Variants in STRN3 observed in about 807,000 individuals in gnomAD.
STRN3 encodes the protein striatin 3.
In STRN3, 29 loss-of-function variants were observed where a neutral mutation model predicts 95.6. That is an observed-to-expected ratio of 0.30 (90% CI 0.23 to 0.41). The LOEUF is 0.41. Among genes scored for constraint, STRN3 ranks in the 10% least tolerant of loss-of-function variants. STRN3 has a pLI of 1.00. For synonymous variants in STRN3, 331 were observed against 357.6 expected (o/e 0.93, Z 0.84); for missense variants, 890 against 972.1 (o/e 0.92, Z 1.12).
chr14:31,004,177 C>T (rs1288372461), intron 1 of STRN3, among the ~76,000 whole-genome samples: 3 of 151,642 alleles, frequency 2.0e-5, no homozygotes, highest in East Asian at 2.0e-4. Flanking sequence ...CCCAGCTACT[C>T]GGGAGGCTGA....
chr14:30,937,585 T>C (rs1351372500), intron 5 of STRN3, among the ~76,000 whole-genome samples: 1 of 152,148 alleles, frequency 6.6e-6, no homozygotes, highest in Non-Finnish European at 1.5e-5. Flanking sequence ...GTTGTTTAAG[T>C]GTCTAACAAT....
rs576460427 is a variant in STRN3 at position 30,900,680 on chromosome 14, C to T, written c.2137+1856G>A. ...ACCAGAATCAATTGAACCCAAGAGG[C>T]GGAGGTTACAGTGAGCTGAGATGGT... On this transcript the variant is annotated intron_variant, in intron 16 of 17. Transcript: ENST00000357479. Among the ~76,000 whole-genome samples, 5 of 149,394 alleles carry T rather than the reference C, an allele frequency of 3.3e-5. No individual in the cohort carries two copies. The South Asian group carries it at 1.1e-3, about 31-fold the overall frequency.
In STRN3 at chr14:30,918,362, G is replaced by T. The variant is rs189867335; in HGVS notation, c.1240+604C>A. 9.9e-5 allele frequency among the ~76,000 whole-genome samples: 15 copies of T among 152,008 alleles called. No homozygotes were observed. The East Asian group carries it at 2.5e-3, about 26-fold the overall frequency. ...TCTCTACTAAAAATACAAAAAATTG[G>T]CCGGGGAATGGTGGTGTGCGCCTAT... On this transcript the variant is annotated intron_variant, in intron 9 of 17. Transcript: ENST00000357479.
At chr14:31,002,394 C>G (rs990293264) in intron 1 of STRN3, among the ~76,000 whole-genome samples, 20 of 150,236 alleles carry the variant, frequency 1.3e-4, no homozygotes, top group African/African-American at 4.7e-4. Flanking sequence ...ATTGCTTGAG[C>G]CGGGAGGTGG....
intron 1 of STRN3, among the ~76,000 whole-genome samples, chr14:31,010,179 T>C (rs988381836): frequency 9.9e-5 from 15 of 152,070 alleles, no homozygotes; most frequent in African/African-American, 3.4e-4. Context: ...GACAAACTAG[T>C]CTATAAATTC....
At chr14:31,000,681 C>G (rs117647573) in intron 1 of STRN3, among the ~76,000 whole-genome samples, 3,203 of 152,228 alleles carry the variant, frequency 0.021, 55 homozygotes, top group Non-Finnish European at 0.03. Context: ...TCAACCCATT[C>G]CTTATCAATC....
At chr14:30,964,974 T>C (rs892372578) in intron 1 of STRN3, among the ~76,000 whole-genome samples, 2 of 152,258 alleles carry the variant, frequency 1.3e-5, no homozygotes, top group African/African-American at 2.4e-5. Flanking sequence ...TCTTGGTCTT[T>C]GTCTTGTTGC....
At chr14:30,918,304 C>T (rs905955989) in intron 9 of STRN3, among the ~76,000 whole-genome samples, 10 of 151,990 alleles carry the variant, frequency 6.6e-5, no homozygotes, top group Non-Finnish European at 1.0e-4. Flanking sequence ...GTCAGGAGTT[C>T]GAGACCAGCC....
At chr14:30,982,719 C>T (rs76576686) in intron 1 of STRN3, among the ~76,000 whole-genome samples, 8,586 of 152,232 alleles carry the variant, frequency 0.056, 443 homozygotes, top group East Asian at 0.21. Flanking sequence ...AGGAAGTTTA[C>T]CCCCTTGAGG....
At chr14:30,903,071 G>A (rs1896368086) in intron 15 of STRN3, among the ~76,000 whole-genome samples, 1 of 151,902 alleles carries the variant, frequency 6.6e-6, no homozygotes, top group African/African-American at 2.4e-5. Flanking sequence ...CAAAGAACTG[G>A]AATTAATGAT....
intron 1 of STRN3, among the ~76,000 whole-genome samples, chr14:30,998,335 A>G (rs1404356884): frequency 6.6e-6 from 1 of 152,246 alleles, no homozygotes; most frequent in Non-Finnish European, 1.5e-5. Flanking sequence ...TGAGGCAAAC[A>G]AGAAGCTAAC....
At position 31,006,875 on chromosome 14, in the gene STRN3, T is replaced by C. The variant is rs58903855; in HGVS notation, c.282+19029A>G. On this transcript the variant is annotated intron_variant, in intron 1 of 17. Coordinates refer to ENST00000357479, the MANE Select transcript of STRN3 (RefSeq NM_001083893.2). ...CCTGCAATCCCAGCCACTCTGGAGGTAGAAGTGGAAAGACATGCTTGAACC... is the reference window on the plus strand; with the variant it reads ...CCTGCAATCCCAGCCACTCTGGAGGCAGAAGTGGAAAGACATGCTTGAACC... 5.2e-3 allele frequency among the ~76,000 whole-genome samples: 784 copies of C among 151,578 alleles called. 3 individuals carry two copies. Among genetic ancestry groups the C allele is most frequent in the African/African-American group, 0.018 (725 of 41,288 alleles).
intron 1 of STRN3, among the ~76,000 whole-genome samples, chr14:30,973,757 A>T (rs1016552706): frequency 1.3e-5 from 2 of 152,228 alleles, no homozygotes; most frequent in African/African-American, 4.8e-5. Flanking sequence ...GCAGCATATT[A>T]AAAGAATTAC....
At chr14:30,994,761 G>A (rs759047807) in intron 1 of STRN3, among the ~76,000 whole-genome samples, 1 of 152,168 alleles carries the variant, frequency 6.6e-6, no homozygotes, top group Non-Finnish European at 1.5e-5. Context: ...TGGAATGACT[G>A]GACTACTGAG....
intron 1 of STRN3, among the ~76,000 whole-genome samples, chr14:30,980,980 T>C (rs923182465): frequency 6.6e-6 from 1 of 151,994 alleles, no homozygotes; most frequent in Admixed American, 6.6e-5. Flanking sequence ...TTAGAGCAAC[T>C]AATAATAAAT....
At chr14:30,966,555 G>C (rs1342495892) in intron 1 of STRN3, among the ~76,000 whole-genome samples, 1 of 152,132 alleles carries the variant, frequency 6.6e-6, no homozygotes, top group African/African-American at 2.4e-5. Context: ...GCAGAGTGGG[G>C]GACTGGCCAG....
chr14:30,974,266 C>G (rs1880976678), intron 1 of STRN3, among the ~76,000 whole-genome samples: 1 of 152,096 alleles, frequency 6.6e-6, no homozygotes, highest in Non-Finnish European at 1.5e-5. Context: ...AAATCAGTTT[C>G]ATTTTTATAC....
chr14:31,011,408 G>A (rs116955701), intron 1 of STRN3, among the ~76,000 whole-genome samples: 4,440 of 152,060 alleles, frequency 0.029, 74 homozygotes, highest in Non-Finnish European at 0.044. Context: ...TTGGGAGGCC[G>A]AGGCGGGTGG....
At chr14:31,014,659 T>C in intron 1 of STRN3, 1 of 455,696 alleles carries the variant, frequency 2.2e-6, no homozygotes, top group Non-Finnish European at 4.5e-6. Context: ...TTAGGTGTAA[T>C]GCTATCTCAA....
Sources: allele counts gnomAD v4.1 joint callset (sites outside exome capture counted in the v4.1 genomes callset), GRCh38; gene constraint gnomAD v4.1.1; transcripts MANE v1.5; gene names NCBI Gene and HGNC (gene_info 2026-07-23, HGNC 2026-07-21).